Variants in DLG2 observed in about 807,000 individuals in gnomAD.
DLG2 encodes disks large homolog 2.
DLG2 carries 45 observed loss-of-function variants against 132.5 expected under a neutral mutation model. The observed-to-expected ratio is 0.34, with a 90% CI of 0.27 to 0.44. DLG2 has a LOEUF of 0.44. Ranked by LOEUF, DLG2 falls within the 20% of genes least tolerant of loss-of-function variation. The pLI is 1.00. For missense variants in DLG2, 1,045 were observed against 1,196.9 expected, an observed-to-expected ratio of 0.87 and a Z score of 1.87; for synonymous variants, 424 against 419.6, an observed-to-expected ratio of 1.01 and a Z score of -0.13.
chr11:85,529,988 T>G (rs914769252), intron 3 of DLG2, among the ~76,000 whole-genome samples: 5 of 81,926 alleles, frequency 6.1e-5, no homozygotes, highest in African/African-American at 1.9e-4. Context: ...AGAGGGTTTG[T>G]TTTTTTTTTT....
At chr11:85,497,860 T>C (rs1188864201) in intron 3 of DLG2, among the ~76,000 whole-genome samples, 1 of 152,160 alleles carries the variant, frequency 6.6e-6, no homozygotes, top group Non-Finnish European at 1.5e-5. Context: ...AATAAAATCT[T>C]TTACAGACAA....
Position 85,308,886 on chromosome 11 carries a change from T to G in DLG2, c.41-23521A>C, listed in dbSNP as rs191194009. Among the ~76,000 whole-genome samples the G allele has an allele frequency of 3.6e-3, 551 of 152,286 alleles. 1 individual carries two copies. Among genetic ancestry groups the G allele is most frequent in the Non-Finnish European group, 6.2e-3 (419 of 68,024 alleles). ...CATTTAATCTTCACACACAAAATAC[T>G]ACTATTGTTATTATTTTCCCTATGG... On this transcript the variant is annotated intron_variant, in intron 3 of 27. Coordinates refer to ENST00000376104, the MANE Select transcript of DLG2 (RefSeq NM_001142699.3).
intron 6 of DLG2, among the ~76,000 whole-genome samples, chr11:84,651,390 T>C (rs948099386): frequency 1.3e-5 from 2 of 152,148 alleles, no homozygotes; most frequent in African/African-American, 4.8e-5. Context: ...ACCAATTAAT[T>C]ATGTTAATGG....
At chr11:84,532,047 T>C (rs2099343807) in intron 7 of DLG2, among the ~76,000 whole-genome samples, 1 of 151,410 alleles carries the variant, frequency 6.6e-6, no homozygotes, top group Non-Finnish European at 1.5e-5. Flanking sequence ...CAGATAATTA[T>C]ATTATCATGT....
chr11:83,652,954 A>G (rs2071069824), intron 18 of DLG2, among the ~76,000 whole-genome samples: 1 of 152,206 alleles, frequency 6.6e-6, no homozygotes, highest in African/African-American at 2.4e-5. Flanking sequence ...CTCTGTGTGG[A>G]AGATAGTCTT....
At chr11:85,497,846 G>A (rs199570429) in intron 3 of DLG2, among the ~76,000 whole-genome samples, 1 of 152,116 alleles carries the variant, frequency 6.6e-6, no homozygotes, top group Non-Finnish European at 1.5e-5. Context: ...ATAAGTGAAG[G>A]GGAAATAAAA....
chr11:84,958,597 C>T (rs2052039980), intron 6 of DLG2, among the ~76,000 whole-genome samples: 1 of 152,062 alleles, frequency 6.6e-6, no homozygotes, highest in Admixed American at 6.5e-5. Flanking sequence ...AGTATACAGC[C>T]AGAAAGACAC....
chr11:85,251,505 C>T (rs1009920777), intron 4 of DLG2, among the ~76,000 whole-genome samples: 2 of 152,078 alleles, frequency 1.3e-5, no homozygotes, highest in African/African-American at 4.8e-5. Flanking sequence ...AAACTTGATA[C>T]AGATTTTTTT....
chr11:85,222,872 G>C (rs986939930), intron 4 of DLG2, among the ~76,000 whole-genome samples: 1 of 152,108 alleles, frequency 6.6e-6, no homozygotes, highest in African/African-American at 2.4e-5. Context: ...GGTCAAGTTA[G>C]CTTGGCAGTG....
chr11:85,057,515 A>G (rs967183681), intron 6 of DLG2, among the ~76,000 whole-genome samples: 1 of 151,704 alleles, frequency 6.6e-6, no homozygotes, highest in Non-Finnish European at 1.5e-5. Context: ...TTGAATTACT[A>G]ATTTAAAACC....
chr11:83,893,934 A>T (rs777467499), intron 15 of DLG2, among the ~76,000 whole-genome samples: 1 of 152,146 alleles, frequency 6.6e-6, no homozygotes, highest in Non-Finnish European at 1.5e-5. Context: ...ATGTTACTCA[A>T]CTTCATGTCA....
intron 26 of DLG2, among the ~76,000 whole-genome samples, chr11:83,463,489 A>G (rs920761039): frequency 6.6e-6 from 1 of 152,208 alleles, no homozygotes; most frequent in Non-Finnish European, 1.5e-5. Context: ...TTTGCTCCAG[A>G]TGTCAAGAAA....
At chr11:84,967,282 T>C (rs1394347792) in intron 6 of DLG2, among the ~76,000 whole-genome samples, 1 of 152,138 alleles carries the variant, frequency 6.6e-6, no homozygotes, top group African/African-American at 2.4e-5. Context: ...GGAAAGGTCA[T>C]TTCATAAATG....
intron 11 of DLG2, among the ~76,000 whole-genome samples, chr11:84,002,972 C>G (rs1038951854): frequency 6.6e-6 from 1 of 152,132 alleles, no homozygotes; most frequent in African/African-American, 2.4e-5. Context: ...GCGTAAAACT[C>G]AATGCTTTTA....
At chr11:84,270,231 T>C (rs1433165250) in intron 7 of DLG2, among the ~76,000 whole-genome samples, 2 of 152,238 alleles carry the variant, frequency 1.3e-5, no homozygotes, top group East Asian at 1.9e-4. Context: ...TTATTATTCA[T>C]GCATTTAATA....
At chr11:84,565,701 T>C (rs912206246) in intron 6 of DLG2, among the ~76,000 whole-genome samples, 2 of 152,118 alleles carry the variant, frequency 1.3e-5, no homozygotes, top group Admixed American at 6.6e-5. Context: ...ATAACAAAAT[T>C]GGTGCTTATG....
intron 18 of DLG2, among the ~76,000 whole-genome samples, chr11:83,784,477 C>T (rs1278005681): frequency 6.6e-6 from 1 of 152,194 alleles, no homozygotes; most frequent in Non-Finnish European, 1.5e-5. Context: ...GCTATTAAAA[C>T]AGAGAAGTCA....
intron 6 of DLG2, among the ~76,000 whole-genome samples, chr11:84,952,434 G>A (rs1006534678): frequency 2.0e-5 from 3 of 152,038 alleles, no homozygotes; most frequent in Non-Finnish European, 4.4e-5. Context: ...GGAGAATGGC[G>A]TGAACCCGGA....
chr11:85,475,968 C>T (rs2093128631), intron 3 of DLG2, among the ~76,000 whole-genome samples: 2 of 152,124 alleles, frequency 1.3e-5, no homozygotes, highest in South Asian at 2.1e-4. Flanking sequence ...AAAGTATCTA[C>T]TAACAAACAA....
Sources: gnomAD v4.1 joint callset for allele counts (sites outside exome capture counted in the v4.1 genomes callset) on GRCh38, gnomAD v4.1.1 for gene constraint, MANE v1.5 for transcripts, NCBI Gene and HGNC (gene_info 2026-07-23, HGNC 2026-07-21) for gene names.